PAPPA2: variants seen among roughly 807,000 people sequenced by gnomAD.
PAPPA2 encodes pappalysin 2.
Under a neutral mutation model 176.4 loss-of-function variants are expected in PAPPA2, and 86 were observed. The observed-to-expected ratio is 0.49, with a 90% CI of 0.41 to 0.58. The LOEUF (loss-of-function observed/expected upper bound fraction) is 0.58, where lower values mean the gene tolerates loss of function less well. PAPPA2 is among the 20% of genes least tolerant of loss of function. The probability of loss-of-function intolerance (pLI) is 0.00; values close to 1 mark genes in which losing one functional copy is unlikely to be tolerated. For missense variants in PAPPA2, 2,073 were observed against 2,256.9 expected, an observed-to-expected ratio of 0.92 and a Z score of 1.65; for synonymous variants, 809 against 852.2, an observed-to-expected ratio of 0.95 and a Z score of 0.88.
At chr1:176,466,452 G>C (rs1651624362) in intron 1 of PAPPA2, among the ~76,000 whole-genome samples, 1 of 152,076 alleles carries the variant, frequency 6.6e-6, no homozygotes, top group Admixed American at 6.6e-5. Flanking sequence ...AGGCCTCCCT[G>C]GGTCAAGTAA....
intron 1 of PAPPA2, among the ~76,000 whole-genome samples, chr1:176,531,642 C>T (rs1649812080): frequency 1.3e-5 from 2 of 152,108 alleles, no homozygotes; most frequent in Non-Finnish European, 2.9e-5. Flanking sequence ...GCATTTGTGG[C>T]AACTCCTTAC....
At chr1:176,524,199 A>G (rs552642734) in intron 1 of PAPPA2, among the ~76,000 whole-genome samples, 1 of 152,288 alleles carries the variant, frequency 6.6e-6, no homozygotes, top group Admixed American at 6.5e-5. Context: ...CTATAAACAC[A>G]TGGCATATAG....
chr1:176,546,749 A>G (rs1406385006), intron 1 of PAPPA2, among the ~76,000 whole-genome samples: 2 of 152,240 alleles, frequency 1.3e-5, no homozygotes, highest in African/African-American at 4.8e-5. Flanking sequence ...AATAATGAAA[A>G]TACTTAACCA....
intron 17 of PAPPA2, among the ~76,000 whole-genome samples, chr1:176,779,049 C>G (rs1234540000): frequency 6.6e-6 from 1 of 152,168 alleles, no homozygotes; most frequent in Non-Finnish European, 1.5e-5. Context: ...ACTTCAAACT[C>G]AGCCCTTGTT....
chr1:176,586,364 T>TA (rs1653308344), intron 2 of PAPPA2, among the ~76,000 whole-genome samples: 1 of 152,220 alleles, frequency 6.6e-6, no homozygotes, highest in Admixed American at 6.5e-5. Context: ...GTGCAGAATG[T>TA]GCAGGTTTGT....
At chr1:176,752,199 G>A (rs1469275500) in intron 14 of PAPPA2, among the ~76,000 whole-genome samples, 40 of 129,462 alleles carry the variant, frequency 3.1e-4, no homozygotes, top group Middle Eastern at 3.8e-3. Context: ...TGGTGGGGTC[G>A]GGGGAGGGGG....
intron 20 of PAPPA2, among the ~76,000 whole-genome samples, chr1:176,797,396 C>G (rs536613125): frequency 6.6e-6 from 1 of 152,274 alleles, no homozygotes; most frequent in Non-Finnish European, 1.5e-5. Flanking sequence ...GTAATCCCAA[C>G]ACTCTGGGAG....
chr1:176,591,085 GCACACACA>G (rs66535582), intron 2 of PAPPA2, among the ~76,000 whole-genome samples: 2,206 of 142,232 alleles, frequency 0.016, 21 homozygotes, highest in Non-Finnish European at 0.021. Context: ...TCACACACAT[GCACACACA>G]CACACACACA....
At chr1:176,602,541 C>T (rs1157645646) in intron 3 of PAPPA2, among the ~76,000 whole-genome samples, 1 of 152,060 alleles carries the variant, frequency 6.6e-6, no homozygotes, top group Non-Finnish European at 1.5e-5. Context: ...CAGGCTGGGC[C>T]CTTGCAGTGG....
Position 176,741,962 on chromosome 1 carries a change from T to G in PAPPA2, c.4151+1766T>G, listed in dbSNP as rs188343837. Among the ~76,000 whole-genome samples the G allele has an allele frequency of 3.2e-3, 480 of 152,298 alleles. 6 individuals carry two copies. The highest frequency in any genetic ancestry group is 3.8e-3 in the Non-Finnish European group (261 of 68,018). ...ATGTGTTCTTGGTGAGCTTTGCACATAGTTCCTACTCTGGTGACTGCCTTC... is the reference window on the plus strand; with the variant it reads ...ATGTGTTCTTGGTGAGCTTTGCACAGAGTTCCTACTCTGGTGACTGCCTTC... On this transcript the variant is annotated intron_variant, in intron 14 of 22. Coordinates refer to ENST00000367662, the MANE Select transcript of PAPPA2 (RefSeq NM_020318.3).
At chr1:176,499,789 C>A (rs1647854187) in intron 1 of PAPPA2, among the ~76,000 whole-genome samples, 1 of 152,288 alleles carries the variant, frequency 6.6e-6, no homozygotes, top group Non-Finnish European at 1.5e-5. Context: ...AGTTGGCTAA[C>A]CCATGGTTTA....
chr1:176,491,833 A>G (rs1647308945), intron 1 of PAPPA2, among the ~76,000 whole-genome samples: 2 of 152,146 alleles, frequency 1.3e-5, no homozygotes, highest in South Asian at 4.1e-4. Flanking sequence ...GTTTGGTTTC[A>G]TCTGGTATTA....
intron 1 of PAPPA2, among the ~76,000 whole-genome samples, chr1:176,482,246 C>G (rs745656790): frequency 1.3e-5 from 2 of 152,082 alleles, no homozygotes; most frequent in Non-Finnish European, 2.9e-5. Flanking sequence ...TTCCCTAAGC[C>G]GAATAATGGC....
At chr1:176,508,417 A>G (rs561830464) in intron 1 of PAPPA2, among the ~76,000 whole-genome samples, 7 of 152,358 alleles carry the variant, frequency 4.6e-5, no homozygotes, top group African/African-American at 1.7e-4. Context: ...TAAAAATGAC[A>G]TATAGAGAAA....
At chr1:176,591,085 G>GCACACACACACACACA (rs66535582) in intron 2 of PAPPA2, among the ~76,000 whole-genome samples, 1 of 142,356 alleles carries the variant, frequency 7.0e-6, no homozygotes, top group South Asian at 2.2e-4. Context: ...TCACACACAT[G>GCACACACACACACACA]CACACACACA....
chr1:176,597,215 G>A (rs1210557375), intron 3 of PAPPA2, among the ~76,000 whole-genome samples: 5 of 152,184 alleles, frequency 3.3e-5, no homozygotes, highest in Admixed American at 6.5e-5. Flanking sequence ...CGCAAGTCAC[G>A]TTCGGAAACT....
At chr1:176,576,223 T>C (rs1382695601) in intron 2 of PAPPA2, among the ~76,000 whole-genome samples, 1 of 152,204 alleles carries the variant, frequency 6.6e-6, no homozygotes, top group Non-Finnish European at 1.5e-5. Flanking sequence ...TTTTCCCCAG[T>C]GTTGCCAAAT....
chr1:176,756,942 G>A (rs1236126473), intron 14 of PAPPA2, among the ~76,000 whole-genome samples: 1 of 152,178 alleles, frequency 6.6e-6, no homozygotes, highest in East Asian at 1.9e-4. Context: ...CCACTTATGA[G>A]TGAGAACATG....
At chr1:176,591,276 C>T (rs1376217985) in intron 2 of PAPPA2, among the ~76,000 whole-genome samples, 1 of 152,136 alleles carries the variant, frequency 6.6e-6, no homozygotes, top group Admixed American at 6.6e-5. Flanking sequence ...GGCTTTGGCA[C>T]TCTCTAGCCT....
Sources: gnomAD v4.1 joint callset for allele counts (sites outside exome capture counted in the v4.1 genomes callset) on GRCh38, gnomAD v4.1.1 for gene constraint, MANE v1.5 for transcripts, NCBI Gene and HGNC (gene_info 2026-07-23, HGNC 2026-07-21) for gene names.